Variants in USP15 observed in about 807,000 individuals in gnomAD.
USP15 encodes the protein ubiquitin specific peptidase 15.
Under a neutral mutation model 127.1 loss-of-function variants are expected in USP15, and 18 were observed. The observed-to-expected ratio is 0.14, with a 90% confidence interval of 0.10 to 0.21. USP15 has a LOEUF of 0.21. Ranked by LOEUF, USP15 falls within the 10% of genes least tolerant of loss-of-function variation. The pLI, the probability that USP15 is intolerant of heterozygous loss-of-function variation, is 1.00. For missense variants in USP15, 805 were observed against 1,159.9 expected (o/e 0.69, Z 4.44); for synonymous variants, 364 against 393.7 (o/e 0.92, Z 0.89).
At chr12:62,282,475 A>ACTT (rs767557446) in intron 1 of USP15, among the ~76,000 whole-genome samples, 9 of 152,252 alleles carry the variant, frequency 5.9e-5, no homozygotes, top group Non-Finnish European at 1.2e-4. Context: ...ACTGTACTGT[A>ACTT]CTTACCCTTT....
intron 1 of USP15, among the ~76,000 whole-genome samples, chr12:62,261,020 A>AT (rs1196572113): frequency 6.6e-6 from 1 of 152,104 alleles, no homozygotes. Context: ...CACAGGTGGC[A>AT]TGTCAGGGCT....
intron 1 of USP15, among the ~76,000 whole-genome samples, chr12:62,267,856 A>G (rs1276669964): frequency 6.6e-6 from 1 of 152,126 alleles, no homozygotes; most frequent in South Asian, 2.1e-4. Flanking sequence ...CCAGGTAGAA[A>G]ACACCTGGTA....
intron 6 of USP15, among the ~76,000 whole-genome samples, chr12:62,331,367 C>T (rs2065294765): frequency 6.6e-6 from 1 of 152,194 alleles, no homozygotes. Context: ...CACACCAATG[C>T]TGTTGGTCTA....
At chr12:62,320,789 T>C (rs2064964131) in intron 4 of USP15, among the ~76,000 whole-genome samples, 1 of 152,076 alleles carries the variant, frequency 6.6e-6, no homozygotes, top group Non-Finnish European at 1.5e-5. Flanking sequence ...ACTACAACTA[T>C]TCTAAAATCT....
intron 20 of USP15, among the ~76,000 whole-genome samples, chr12:62,400,324 T>C (rs2067642097): frequency 1.3e-5 from 2 of 152,182 alleles, no homozygotes; most frequent in African/African-American, 4.8e-5. Context: ...AAATTCCTTA[T>C]GTAAAATATT....
chr12:62,322,578 T>C (rs2065014360), intron 5 of USP15, among the ~76,000 whole-genome samples: 1 of 152,208 alleles, frequency 6.6e-6, no homozygotes, highest in African/African-American at 2.4e-5. Flanking sequence ...CTTTACAAAT[T>C]CCTGTATCTC....
At chr12:62,400,734 A>T (rs1207838859) in intron 20 of USP15, among the ~76,000 whole-genome samples, 2 of 152,112 alleles carry the variant, frequency 1.3e-5, no homozygotes, top group Non-Finnish European at 2.9e-5. Flanking sequence ...CTAGGTTTAA[A>T]TCCTAACTGC....
In USP15 at chr12:62,389,974, G is replaced by A; in HGVS notation, c.1830G>A (p.Leu610=). ...NNTEDKLYNL[L]LLRMCRYVKI... is the part of the protein sequence containing the mutation. The stretch of plus-strand genomic sequence containing the variant: ...CTGAAGACAAACTTTATAATCTCCT[G>A]CTCTTGAGAATGTGGTAAGTGCCAG... Residue 610 remains leucine (L), a synonymous_variant, in exon 14 of 22, where the codon CTG becomes CTA. Transcript: ENST00000280377. 2 of 1,603,882 alleles carry A rather than the reference G, an allele frequency of 1.2e-6. No homozygotes were observed. The highest frequency in any genetic ancestry group is 1.7e-6 in the Non-Finnish European group (2 of 1,175,068).
intron 3 of USP15, among the ~76,000 whole-genome samples, chr12:62,308,455 C>A (rs1235525021): frequency 6.6e-6 from 1 of 152,002 alleles, no homozygotes. Context: ...GAGATTAGTC[C>A]TTAATGGATG....
rs555979586 is a variant in USP15, at chr12:62,280,686, G to A, written c.90-13493G>A. 3.3e-5 allele frequency among the ~76,000 whole-genome samples: 5 copies of A among 152,158 alleles called. No homozygotes were observed. In the South Asian group the frequency reaches 6.2e-4, roughly 19 times the overall value. ...ATTAATTCTGGGGGAGGAGACACAC[G>A]CATTCAGACCATAGCTCTACATGTT... On this transcript the variant is annotated intron_variant, in intron 1 of 21. Transcript: ENST00000280377.
intron 1 of USP15, chr12:62,267,118 T>C (rs1165757958): frequency 1.3e-5 from 2 of 152,160 alleles, no homozygotes; most frequent in Admixed American, 1.3e-4. Flanking sequence ...TAAATACTTT[T>C]TTTCTTCCCT....
At chr12:62,328,695 G>C (rs2065202279) in intron 6 of USP15, among the ~76,000 whole-genome samples, 1 of 151,828 alleles carries the variant, frequency 6.6e-6, no homozygotes, top group Admixed American at 6.6e-5. Flanking sequence ...AGTTAGCATA[G>C]ACCAATACAG....
chr12:62,284,089 CAT>C (rs933575683), intron 1 of USP15, among the ~76,000 whole-genome samples: 1 of 152,122 alleles, frequency 6.6e-6, no homozygotes, highest in African/African-American at 2.4e-5. Flanking sequence ...ATTGGAAAAA[CAT>C]ATAAAATTTA....
chr12:62,314,890 G>A lies in USP15; in HGVS notation c.449G>A (p.Arg150Gln), dbSNP rs1277752798. ...GGAAACATGAATAATGTTGTAACTC[G>A]AAGATTTAGCAAAGCTGACACAATA... The part of the protein sequence containing the change: ...ENGNMNNVVT[R>Q]RFSKADTIDT... The change falls in exon 4 of 22, where the codon CGA (arginine) becomes CAA (glutamine). Residue 150 changes from arginine (R) to glutamine (Q), a missense_variant. Transcript: ENST00000280377. 6.3e-6 allele frequency: 10 copies of A among 1,589,436 alleles called. No individual in the cohort carries two copies. The Admixed American group carries it at 8.9e-5, about 14-fold the overall frequency.
At chr12:62,294,381 G>A in intron 2 of USP15, 75 bp downstream of exon 2, 1 of 1,529,444 alleles carries the variant, frequency 6.5e-7, no homozygotes, top group Non-Finnish European at 8.8e-7. Flanking sequence ...GGTTGAATTT[G>A]GAAAATGTTA....
At chr12:62,340,113 G>A (rs1404195240) in intron 6 of USP15, among the ~76,000 whole-genome samples, 1 of 152,144 alleles carries the variant, frequency 6.6e-6, no homozygotes, top group Non-Finnish European at 1.5e-5. Context: ...TTTAGTCTGG[G>A]GAGGGTGTAT....
At chr12:62,399,827 G>A (rs1300780120) in intron 20 of USP15, among the ~76,000 whole-genome samples, 6 of 152,118 alleles carry the variant, frequency 3.9e-5, no homozygotes, top group Non-Finnish European at 8.8e-5. Context: ...TTGGTTGGCT[G>A]GTCGGTTGAT....
intron 1 of USP15, among the ~76,000 whole-genome samples, chr12:62,290,212 T>C (rs2063919032): frequency 6.6e-6 from 1 of 152,186 alleles, no homozygotes; most frequent in Non-Finnish European, 1.5e-5. Flanking sequence ...CAGTGGAATA[T>C]GGAAGTCCCC....
In USP15 at chr12:62,384,119, T is replaced by C; in HGVS notation, c.1290T>C (p.Asn430=). 6.2e-7 allele frequency: 1 copy of C among 1,612,874 alleles called. No individual in the cohort carries two copies. Among genetic ancestry groups the C allele is most frequent in the Non-Finnish European group, 8.5e-7 (1 of 1,179,256 alleles). ...CCTGGGAAAACCATTTAAAACGAAA[T>C]GATTCTATCATAGTAGATATATTTC... The part of the protein sequence containing the change: ...EEAWENHLKR[N]DSIIVDIFHG... The change falls in exon 11 of 22, where the codon AAT becomes AAC. Residue 430 remains asparagine, a synonymous_variant. Transcript: ENST00000280377.
Sources: allele counts gnomAD v4.1 joint callset (sites outside exome capture counted in the v4.1 genomes callset), GRCh38; gene constraint gnomAD v4.1.1; transcripts MANE v1.5; gene names NCBI Gene and HGNC (gene_info 2026-07-23, HGNC 2026-07-21).